The following FHIT variants were observed in gnomAD, a reference collection of about 807,000 sequenced individuals.
The protein encoded by FHIT is bis(5'-adenosyl)-triphosphatase.
A neutral mutation model predicts 17.9 loss-of-function variants in FHIT; 19 were observed. That is an observed-to-expected ratio of 1.06 (90% CI 0.74 to 1.56). The LOEUF (loss-of-function observed/expected upper bound fraction) is 1.56. Ranked by LOEUF, FHIT falls within the 40% of genes most tolerant of loss-of-function variation. The pLI is 0.00. For missense variants in FHIT, 248 were observed against 189.2 expected (o/e 1.31, Z -1.82); for synonymous variants, 81 against 69.7 (o/e 1.16, Z -0.81).
intron 5 of FHIT, among the ~76,000 whole-genome samples, chr3:60,346,889 T>C (rs770485865): frequency 5.3e-5 from 8 of 152,230 alleles, no homozygotes; most frequent in Non-Finnish European, 1.0e-4. Flanking sequence ...AAATTTTATG[T>C]TTTAAAATAG....
At chr3:61,159,372 C>T (rs1253595730) in intron 2 of FHIT, among the ~76,000 whole-genome samples, 1 of 152,136 alleles carries the variant, frequency 6.6e-6, no homozygotes, top group African/African-American at 2.4e-5. Flanking sequence ...GACGAAGTCC[C>T]ACAATAGGGT....
intron 4 of FHIT, among the ~76,000 whole-genome samples, chr3:60,694,369 A>T (rs2041066271): frequency 6.6e-6 from 1 of 152,160 alleles, no homozygotes; most frequent in South Asian, 2.1e-4. Flanking sequence ...ATGAGATATC[A>T]CCTCACACCA....
intron 5 of FHIT, among the ~76,000 whole-genome samples, chr3:60,247,689 G>T (rs114512740): frequency 6.6e-6 from 1 of 152,000 alleles, no homozygotes. Flanking sequence ...TCATAGTAAC[G>T]TAAGTTCATG....
chr3:60,165,691 TCTC>T (rs1701141804), intron 5 of FHIT, among the ~76,000 whole-genome samples: 1 of 152,180 alleles, frequency 6.6e-6, no homozygotes, highest in African/African-American at 2.4e-5. Context: ...CTCTGCCTCT[TCTC>T]CTCTCCTTAA....
In FHIT at chr3:60,568,826, G is replaced by C. The variant is rs140109393; in HGVS notation, c.-17-31847C>G. 6.6e-5 allele frequency among the ~76,000 whole-genome samples: 10 copies of C among 152,162 alleles called. No homozygotes were observed. The East Asian group carries it at 1.7e-3, about 27-fold the overall frequency. ...TTTAACAGGAGCACATACTTAAAGAGGTAGAAGGTATGAAGAGGTCAGCAG... is the reference window on the plus strand; with the variant it reads ...TTTAACAGGAGCACATACTTAAAGACGTAGAAGGTATGAAGAGGTCAGCAG... On this transcript the variant is annotated intron_variant, in intron 4 of 9. Transcript: ENST00000492590.
chr3:60,544,574 T>A (rs569449851), intron 4 of FHIT, among the ~76,000 whole-genome samples: 10 of 150,924 alleles, frequency 6.6e-5, no homozygotes, highest in Admixed American at 6.0e-4. Context: ...ATAAGTGAAG[T>A]TGGCCAATAA....
chr3:60,137,896 A>G (rs1460413126), intron 5 of FHIT, among the ~76,000 whole-genome samples: 2 of 152,252 alleles, frequency 1.3e-5, no homozygotes, highest in Non-Finnish European at 1.5e-5. Flanking sequence ...TTGAAATAAA[A>G]GCAATGGTTA....
chr3:60,993,678 A>G (rs923184711), intron 3 of FHIT, among the ~76,000 whole-genome samples: 3 of 152,214 alleles, frequency 2.0e-5, no homozygotes, highest in African/African-American at 4.8e-5. Flanking sequence ...AATTATACCA[A>G]TTCTTTGGCT....
chr3:60,864,996 G>T (rs755357188), intron 3 of FHIT, among the ~76,000 whole-genome samples: 9 of 151,162 alleles, frequency 6.0e-5, no homozygotes, highest in Non-Finnish European at 1.2e-4. Context: ...CTTCTGAATC[G>T]CCTTAGTTCA....
At position 60,737,158 on chromosome 3, in the gene FHIT, G is replaced by A. The variant is rs529947645; in HGVS notation, c.-18+84761C>T. Reference sequence around the variant, plus strand: ...CAGCCTGGCCAGGAATATTATTTATGCCACCCTTTCACAGCTGTATCAATC... The same window carrying A: ...CAGCCTGGCCAGGAATATTATTTATACCACCCTTTCACAGCTGTATCAATC... On this transcript the variant is annotated intron_variant, in intron 4 of 9. Coordinates refer to ENST00000492590, the MANE Select transcript of FHIT (RefSeq NM_002012.4). Among the ~76,000 whole-genome samples, 9 of 152,238 alleles carry A rather than the reference G, an allele frequency of 5.9e-5. No homozygotes were observed. The East Asian group carries it at 1.5e-3, about 26-fold the overall frequency.
intron 1 of FHIT, among the ~76,000 whole-genome samples, chr3:61,216,088 G>A (rs533675183): frequency 2.6e-5 from 4 of 152,218 alleles, no homozygotes; most frequent in Non-Finnish European, 5.9e-5. Context: ...CATGGGCAAG[G>A]ACTTCATGTC....
intron 4 of FHIT, among the ~76,000 whole-genome samples, chr3:60,575,869 TACCACA>T (rs2037547642): frequency 6.6e-6 from 1 of 152,080 alleles, no homozygotes; most frequent in African/African-American, 2.4e-5. Flanking sequence ...AAGCCATGAC[TACCACA>T]ACTGCTGAAA....
intron 4 of FHIT, among the ~76,000 whole-genome samples, chr3:60,546,406 T>A (rs531846665): frequency 6.6e-6 from 1 of 152,340 alleles, no homozygotes; most frequent in African/African-American, 2.4e-5. Context: ...ATCCTTAGTA[T>A]ATTCCTACCT....
chr3:60,670,795 A>T (rs1388475383), intron 4 of FHIT, among the ~76,000 whole-genome samples: 1 of 152,204 alleles, frequency 6.6e-6, no homozygotes, highest in Non-Finnish European at 1.5e-5. Context: ...AGATAGTGAA[A>T]TTTGGATTAA....
At chr3:60,732,346 A>G (rs1239268908) in intron 4 of FHIT, 3 of 889,266 alleles carry the variant, frequency 3.4e-6, no homozygotes, top group African/African-American at 3.3e-5. Flanking sequence ...GCCATGGGCA[A>G]GATGCCAGTA....
intron 8 of FHIT, among the ~76,000 whole-genome samples, chr3:59,814,611 T>A (rs1243485502): frequency 2.0e-5 from 3 of 152,170 alleles, no homozygotes; most frequent in Non-Finnish European, 2.9e-5. Flanking sequence ...GTGGACTCCA[T>A]CCCTTGTCCC....
intron 4 of FHIT, among the ~76,000 whole-genome samples, chr3:60,691,820 C>A (rs1477711125): frequency 6.6e-6 from 1 of 152,180 alleles, no homozygotes; most frequent in Non-Finnish European, 1.5e-5. Flanking sequence ...TCTCTCATTT[C>A]ACTTTCTGTT....
At chr3:61,008,499 C>T (rs1306838986) in intron 3 of FHIT, among the ~76,000 whole-genome samples, 1 of 152,026 alleles carries the variant, frequency 6.6e-6, no homozygotes, top group Non-Finnish European at 1.5e-5. Flanking sequence ...AAATGACAAG[C>T]GAAGCATTAA....
chr3:60,140,798 G>T (rs950750229), intron 5 of FHIT, among the ~76,000 whole-genome samples: 1 of 151,888 alleles, frequency 6.6e-6, no homozygotes, highest in Non-Finnish European at 1.5e-5. Flanking sequence ...GGCTGGTTTC[G>T]AACTCCCAAC....
Sources: gnomAD v4.1 joint callset for allele counts (sites outside exome capture counted in the v4.1 genomes callset) on GRCh38, gnomAD v4.1.1 for gene constraint, MANE v1.5 for transcripts, NCBI Gene and HGNC (gene_info 2026-07-23, HGNC 2026-07-21) for gene names.